Variants in MACROD2 observed in about 807,000 individuals in gnomAD.
MACROD2 encodes the protein ADP-ribose glycohydrolase MACROD2.
In MACROD2, 36 loss-of-function variants were observed where a neutral mutation model predicts 70.4. The observed-to-expected ratio is 0.51, with a 90% confidence interval of 0.39 to 0.68. The LOEUF is 0.68. Ranked by LOEUF, MACROD2 falls within the 30% of genes least tolerant of loss-of-function variation. The pLI is 0.00. For missense variants in MACROD2, 496 were observed against 538.4 expected, an observed-to-expected ratio of 0.92 and a Z score of 0.78; for synonymous variants, 172 against 178.8, an observed-to-expected ratio of 0.96 and a Z score of 0.30.
intron 8 of MACROD2, among the ~76,000 whole-genome samples, chr20:15,721,387 A>T (rs1344271198): frequency 6.6e-6 from 1 of 152,196 alleles, no homozygotes; most frequent in East Asian, 1.9e-4. Context: ...TTGCTAAAAG[A>T]TTAACTTCCC....
At chr20:15,883,213 C>G (rs558359294) in intron 9 of MACROD2, among the ~76,000 whole-genome samples, 17 of 151,970 alleles carry the variant, frequency 1.1e-4, no homozygotes, top group African/African-American at 3.9e-4. Context: ...TTATTTTTCC[C>G]CAGAAACTGT....
intron 8 of MACROD2, among the ~76,000 whole-genome samples, chr20:15,752,367 C>T (rs998529814): frequency 6.6e-6 from 1 of 151,768 alleles, no homozygotes; most frequent in African/African-American, 2.4e-5. Context: ...AGTGTTATTC[C>T]CATAATCAAT....
chr20:14,010,126 TAAATG>T (rs1036579967), intron 2 of MACROD2, among the ~76,000 whole-genome samples: 7 of 152,156 alleles, frequency 4.6e-5, no homozygotes, highest in Admixed American at 1.3e-4. Context: ...CCCCTGAACT[TAAATG>T]AAAGTTGGAA....
chr20:16,039,066 C>A (rs1013293757), intron 15 of MACROD2, among the ~76,000 whole-genome samples: 1 of 151,932 alleles, frequency 6.6e-6, no homozygotes, highest in Non-Finnish European at 1.5e-5. Flanking sequence ...CCTAGCCTCA[C>A]AAAACACCTG....
intron 3 of MACROD2, among the ~76,000 whole-genome samples, chr20:14,307,422 ATGGACTTC>A (rs2082530329): frequency 6.6e-6 from 1 of 152,132 alleles, no homozygotes; most frequent in Non-Finnish European, 1.5e-5. Context: ...GGAGGATGTT[ATGGACTTC>A]ATTCACTTTT....
At chr20:15,387,102 G>A (rs2045723987) in intron 6 of MACROD2, among the ~76,000 whole-genome samples, 1 of 152,188 alleles carries the variant, frequency 6.6e-6, no homozygotes, top group Non-Finnish European at 1.5e-5. Context: ...CAGTAAGTGT[G>A]AGGAAAACAA....
At chr20:14,003,454 A>G (rs2052764709) in intron 2 of MACROD2, 2 of 184,978 alleles carry the variant, frequency 1.1e-5, no homozygotes, top group South Asian at 2.2e-4. Flanking sequence ...CCACGTTCTA[A>G]TGGGGTCATT....
intron 10 of MACROD2, among the ~76,000 whole-genome samples, chr20:15,903,948 G>A (rs1429112600): frequency 6.6e-6 from 1 of 152,218 alleles, no homozygotes; most frequent in Admixed American, 6.5e-5. Context: ...CATGTTGAAT[G>A]TGGCATGTGA....
chr20:14,833,532 A>G (rs534660829), intron 5 of MACROD2, among the ~76,000 whole-genome samples: 1 of 152,180 alleles, frequency 6.6e-6, no homozygotes, highest in Non-Finnish European at 1.5e-5. Flanking sequence ...CAAAGTTCAC[A>G]TCATAAGAAA....
intron 4 of MACROD2, among the ~76,000 whole-genome samples, chr20:14,541,467 T>C (rs1157754060): frequency 6.6e-6 from 1 of 152,152 alleles, no homozygotes; most frequent in Non-Finnish European, 1.5e-5. Context: ...TTACTTATAA[T>C]TACAAGGCAT....
chr20:14,583,966 C>T (rs946104565), intron 4 of MACROD2, among the ~76,000 whole-genome samples: 9 of 152,022 alleles, frequency 5.9e-5, no homozygotes, highest in Non-Finnish European at 1.3e-4. Flanking sequence ...CTTGTGTTAC[C>T]CGGCATGAGG....
chr20:14,396,643 G>T (rs1433280593), intron 3 of MACROD2, among the ~76,000 whole-genome samples: 1 of 151,990 alleles, frequency 6.6e-6, no homozygotes, highest in Admixed American at 6.6e-5. Flanking sequence ...AATCCAATCT[G>T]GGCTGAGCGC....
chr20:15,014,595 G>A (rs2075107214), intron 5 of MACROD2, among the ~76,000 whole-genome samples: 1 of 152,174 alleles, frequency 6.6e-6, no homozygotes. Context: ...CAGTGGCCTT[G>A]TATTAAGCTT....
Position 15,884,601 on chromosome 20 carries a change from A to G in MACROD2, c.728-1163A>G, listed in dbSNP as rs559751188. ...AAAGGAGTGAGATACAGGAGAGAGAAAAAGAGAGGAGCAGTTAGGAAACTG... is the reference window on the plus strand; with the variant it reads ...AAAGGAGTGAGATACAGGAGAGAGAGAAAGAGAGGAGCAGTTAGGAAACTG... On this transcript the variant is annotated intron_variant, in intron 9 of 17. Coordinates refer to ENST00000684519, the MANE Select transcript of MACROD2 (RefSeq NM_001351661.2). Among the ~76,000 whole-genome samples the G allele has an allele frequency of 6.6e-5, 10 of 152,176 alleles. No homozygotes were observed. In the East Asian group the frequency reaches 1.9e-3, roughly 29 times the overall value.
Position 14,372,628 on chromosome 20 carries a change from C to T in MACROD2, c.272-120851C>T, listed in dbSNP as rs114427277. 2.3e-3 allele frequency among the ~76,000 whole-genome samples: 348 copies of T among 152,126 alleles called. 3 individuals are homozygous for T. The highest frequency in any genetic ancestry group is 7.9e-3 in the African/African-American group (329 of 41,494). On this transcript the variant is annotated intron_variant, in intron 3 of 17. Coordinates refer to ENST00000684519, the MANE Select transcript of MACROD2 (RefSeq NM_001351661.2). Reference sequence around the variant, plus strand: ...GCTTTTCTGATTCAATTCCTCTCACCGTTACCCCCAGCTCTCAGCCTTCCA... The same window carrying T: ...GCTTTTCTGATTCAATTCCTCTCACTGTTACCCCCAGCTCTCAGCCTTCCA...
chr20:15,513,650 A>G (rs1945245321), intron 8 of MACROD2, among the ~76,000 whole-genome samples: 1 of 152,196 alleles, frequency 6.6e-6, no homozygotes, highest in African/African-American at 2.4e-5. Flanking sequence ...TTTTTCATAA[A>G]TTTCCATATT....
intron 3 of MACROD2, among the ~76,000 whole-genome samples, chr20:14,275,503 C>T (rs1327488675): frequency 2.7e-5 from 4 of 150,398 alleles, no homozygotes; most frequent in Admixed American, 6.7e-5. Flanking sequence ...AAGACTTAAA[C>T]GTTAGACCTA....
intron 8 of MACROD2, among the ~76,000 whole-genome samples, chr20:15,621,798 C>A (rs909829465): frequency 6.6e-6 from 1 of 152,136 alleles, no homozygotes; most frequent in Non-Finnish European, 1.5e-5. Context: ...GATTCACATA[C>A]CCCACCAAGC....
intron 6 of MACROD2, among the ~76,000 whole-genome samples, chr20:15,271,394 G>A (rs994579561): frequency 6.6e-6 from 1 of 152,092 alleles, no homozygotes; most frequent in Non-Finnish European, 1.5e-5. Flanking sequence ...TCAACTTGGC[G>A]ATTAAGTTTC....
Sources: gnomAD v4.1 joint callset for allele counts (sites outside exome capture counted in the v4.1 genomes callset) on GRCh38, gnomAD v4.1.1 for gene constraint, MANE v1.5 for transcripts, NCBI Gene and HGNC (gene_info 2026-07-23, HGNC 2026-07-21) for gene names.